CBX7: variants seen among roughly 807,000 people sequenced by gnomAD.
CBX7 encodes chromobox protein homolog 7.
Under a neutral mutation model 31.4 loss-of-function variants are expected in CBX7, and 14 were observed. The ratio of observed to expected loss-of-function variants is 0.45; its 90% CI spans 0.29 to 0.70. CBX7 has a LOEUF of 0.70. Among genes scored for constraint, CBX7 ranks in the 30% least tolerant of loss-of-function variants. The probability of loss-of-function intolerance (pLI) is 0.11; values close to 1 mark genes in which losing one functional copy is unlikely to be tolerated. For missense variants in CBX7, 269 were observed against 351.9 expected (o/e 0.76, Z 1.89); for synonymous variants, 159 against 152.6 (o/e 1.04, Z -0.31).
intron 2 of CBX7, chr22:39,147,090 T>C: frequency 7.8e-6 from 1 of 128,708 alleles, no homozygotes; most frequent in East Asian, 2.1e-4. Context: ...TGTCCACTTT[T>C]TTTTTTTTTT....
chr22:39,142,235 A>G (rs1930485121), intron 2 of CBX7, among the ~76,000 whole-genome samples: 1 of 152,180 alleles, frequency 6.6e-6, no homozygotes, highest in Non-Finnish European at 1.5e-5. Flanking sequence ...GGGTGTTACA[A>G]GAGTAACAGC....
chr22:39,150,994 T>TGCCA (rs1266914281), intron 1 of CBX7, among the ~76,000 whole-genome samples: 6 of 152,190 alleles, frequency 3.9e-5, no homozygotes, highest in Non-Finnish European at 8.8e-5. Context: ...CTCTGCAGAA[T>TGCCA]GCCAGCTCCC....
At chr22:39,137,902 C>T (rs936228626) in intron 4 of CBX7, among the ~76,000 whole-genome samples, 3 of 151,746 alleles carry the variant, frequency 2.0e-5, no homozygotes, top group African/African-American at 7.3e-5. Flanking sequence ...CTGTTTCTGG[C>T]TGGGCGCGGT....
rs865823127 is a variant in CBX7 at position 39,152,380 on chromosome 22, C to A, written c.65G>T (p.Arg22Leu). The A allele has an allele frequency of 2.1e-6, 3 of 1,399,268 alleles. No homozygotes were observed. Among genetic ancestry groups the A allele is most frequent in the East Asian group, 3.0e-5 (1 of 33,716 alleles). The allele number at this position is 1,399,268 out of a possible 1,614,324, so 86.7% of individuals were successfully genotyped here. ...GCCGCCCCCGGGCAGCCTCACCTTCCGCACGCGCTTCTTCCGGATGCTCTC... is the reference window on the plus strand; with the variant it reads ...GCCGCCCCCGGGCAGCCTCACCTTCAGCACGCGCTTCTTCCGGATGCTCTC... ...AVESIRKKRV[R>L]KGKVEYLVKW... The change falls in exon 1 of 6, where the codon CGG becomes CTG. Residue 22 changes from arginine to leucine, a missense_variant. By Grantham distance (102) the Arg-to-Leu change is moderately radical (BLOSUM62 -2). This residue lies in a region of CBX7 where 47 missense variants were observed against 111.5 expected (regional missense o/e 0.42). Coordinates refer to ENST00000216133, the MANE Select transcript of CBX7 (RefSeq NM_175709.5). This position sits in a 1 kb window ranked among gnomAD's most constrained non-coding sequence, Gnocchi z 4.9.
chr22:39,152,271 G>A lies in CBX7; in HGVS notation c.69+105C>T. The A allele has an allele frequency of 1.6e-6, 1 of 634,378 alleles. No homozygotes were observed. The highest frequency in any genetic ancestry group is 2.2e-6 in the Non-Finnish European group (1 of 459,924). The allele number at this position is 634,378 out of a possible 1,614,324, so 39.3% of individuals were successfully genotyped here. ...GGCCCAGCAGCGCAGGGCTGCCGGG[G>A]CCCCCGCGCCCCGCTTTCCCCTTCA... On this transcript the variant is annotated intron_variant, in intron 1 of 5. Coordinates refer to ENST00000216133, the MANE Select transcript of CBX7 (RefSeq NM_175709.5). The surrounding 1 kb of genome is among the most constrained non-coding windows in gnomAD (Gnocchi z 4.9).
At chr22:39,140,913 C>T (rs1235195068) in intron 3 of CBX7, among the ~76,000 whole-genome samples, 3 of 152,174 alleles carry the variant, frequency 2.0e-5, no homozygotes, top group East Asian at 1.9e-4. Context: ...CCTTGAGCTT[C>T]GTCAGACACT....
At chr22:39,143,769 A>G (rs1234847270) in intron 2 of CBX7, among the ~76,000 whole-genome samples, 1 of 152,168 alleles carries the variant, frequency 6.6e-6, no homozygotes, top group Non-Finnish European at 1.5e-5. Flanking sequence ...CAGTAGTCAC[A>G]CGCTGTGCAT....
In CBX7 at chr22:39,152,469, G is replaced by A. The variant is rs1224599228; in HGVS notation, c.-25C>T. 4.6e-6 allele frequency: 5 copies of A among 1,085,920 alleles called. No homozygotes were observed. The highest frequency in any genetic ancestry group is 5.2e-5 in the Admixed American group (1 of 19,172). The allele number at this position is 1,085,920 out of a possible 1,614,324, so 67.3% of individuals were successfully genotyped here. On this transcript the variant is annotated 5_prime_UTR_variant, in exon 1 of 6. Transcript: ENST00000216133. The surrounding 1 kb of genome is among the most constrained non-coding windows in gnomAD (Gnocchi z 4.9). Reference sequence around the variant, plus strand: ...TGCGGGGCGGCGGGCGAGCGGGCCCGGGGCCGGGCCGGGCCGGGGGCGGAG... The same window carrying A: ...TGCGGGGCGGCGGGCGAGCGGGCCCAGGGCCGGGCCGGGCCGGGGGCGGAG...
chr22:39,152,331 AG>A lies in CBX7; in HGVS notation c.69+44del. On this transcript the variant is annotated intron_variant, in intron 1 of 5. Coordinates refer to ENST00000216133, the MANE Select transcript of CBX7 (RefSeq NM_175709.5). The surrounding 1 kb of genome is among the most constrained non-coding windows in gnomAD (Gnocchi z 4.9). ...TGGAGGGAGCGGTGCTGGGGACGGG[AG>A]GGACCCCACTGGGGTCCTGGGAGCC... The A allele has an allele frequency of 8.0e-7, 1 of 1,256,060 alleles. No individual in the cohort carries two copies. 77.8% of individuals were successfully genotyped at this position (1,256,060 alleles called of 1,614,324 possible).
At chr22:39,140,137 C>T (rs1003902245) in intron 3 of CBX7, among the ~76,000 whole-genome samples, 4 of 152,174 alleles carry the variant, frequency 2.6e-5, no homozygotes, top group Admixed American at 1.3e-4. Context: ...GTGGAGGCCT[C>T]GTGTGACCTT....
intron 5 of CBX7, 31 bp downstream of exon 5, chr22:39,134,370 T>C: frequency 6.5e-7 from 1 of 1,549,158 alleles, no homozygotes. Flanking sequence ...CCTTTCCAGC[T>C]CTGAGGGTCT....
At chr22:39,139,402 T>C (rs1930367355) in intron 3 of CBX7, among the ~76,000 whole-genome samples, 6 of 151,270 alleles carry the variant, frequency 4.0e-5, no homozygotes, top group Admixed American at 2.0e-4. Flanking sequence ...CTGGGTGACA[T>C]GGCAAAACCC....
At chr22:39,137,611 A>C (rs1413850164) in intron 4 of CBX7, among the ~76,000 whole-genome samples, 1 of 152,042 alleles carries the variant, frequency 6.6e-6, no homozygotes, top group Non-Finnish European at 1.5e-5. Flanking sequence ...GGCCTCCCAA[A>C]GTGTTGGGAT....
In CBX7 at chr22:39,141,382, G is replaced by A; in HGVS notation, c.168C>T (p.Ala56=). The part of the protein sequence containing the change: ...EHILDPRLVM[A]YEEKEERDRA... The stretch of plus-strand genomic sequence containing the variant: ...CGAGGACACCGTACTTCTCCTCGTA[G>A]GCCATGACGAGGCGGGGGTCCAAGA... The change falls in exon 3 of 6, where the codon GCC becomes GCT. Residue 56 remains alanine (A), a synonymous_variant. Transcript: ENST00000216133. 6.2e-7 allele frequency: 1 copy of A among 1,612,158 alleles called. No individual in the cohort carries two copies. Among genetic ancestry groups the A allele is most frequent in the Non-Finnish European group, 8.5e-7 (1 of 1,179,426 alleles).
intron 2 of CBX7, among the ~76,000 whole-genome samples, chr22:39,146,706 T>G (rs1013613534): frequency 6.6e-6 from 1 of 152,072 alleles, no homozygotes. Context: ...GTTCAAAGAG[T>G]CAATGCCTGA....
At position 39,134,047 on chromosome 22, in the gene CBX7, T is replaced by C; in HGVS notation, c.600A>G (p.Ala200=). 1 of 1,594,974 alleles carries C rather than the reference T, an allele frequency of 6.3e-7. No homozygotes were observed. Among genetic ancestry groups the C allele is most frequent in the East Asian group, 2.3e-5 (1 of 44,350 alleles). The change falls in exon 6 of 6, where the codon GCA becomes GCG. Residue 200 remains alanine, a splice_region_variant and synonymous_variant. Coordinates refer to ENST00000216133, the MANE Select transcript of CBX7 (RefSeq NM_175709.5). ...GGGGCCCCTCGGCCAGGTCGGCATCTGCTGCAGCGTCAGACACACAGATGG... is the reference window on the plus strand; with the variant it reads ...GGGGCCCCTCGGCCAGGTCGGCATCCGCTGCAGCGTCAGACACACAGATGG... The part of the protein sequence containing the change: ...EPAAQPPEEE[A]DADLAEGPPP...
At position 39,149,539 on chromosome 22, in the gene CBX7, C is replaced by T. The variant is rs1930778077; in HGVS notation, c.113+250G>A. On this transcript the variant is annotated intron_variant, in intron 2 of 5. Transcript: ENST00000216133. ...GGGAGGGGAGGAGGGAGAGCAGAAG[C>T]TCCAACTAGCAGAGGAGCTCAACAC... The T allele has an allele frequency of 2.0e-5, 11 of 553,278 alleles. No individual in the cohort carries two copies. In the South Asian group the frequency reaches 2.6e-4, roughly 13 times the overall value. 34.3% of individuals were successfully genotyped at this position (553,278 alleles called of 1,614,324 possible).
intron 5 of CBX7, 72 bp from the exon 6 acceptor site, chr22:39,134,120 C>T: frequency 6.9e-7 from 1 of 1,453,634 alleles, no homozygotes; most frequent in South Asian, 1.3e-5. Context: ...CCAACCCGAC[C>T]CCAACTCCAG....
At chr22:39,137,426 G>GC (rs1281375038) in intron 4 of CBX7, among the ~76,000 whole-genome samples, 3 of 152,054 alleles carry the variant, frequency 2.0e-5, no homozygotes, top group Non-Finnish European at 4.4e-5. Context: ...TTGGCTCCCT[G>GC]CAACCTCCAC....
Sources: gnomAD v4.1 joint callset for allele counts (sites outside exome capture counted in the v4.1 genomes callset) on GRCh38, gnomAD v4.1.1 for gene constraint, gnomAD v4.1.1 regional missense constraint, Gnocchi (gnomAD v3.1) non-coding constraint, MANE v1.5 for transcripts, NCBI Gene and HGNC (gene_info 2026-07-23, HGNC 2026-07-21) for gene names.